Variants in DMD observed in about 807,000 individuals in gnomAD.
DMD encodes the protein dystrophin.
DMD carries 63 observed loss-of-function variants against 330.1 expected under a neutral mutation model. The observed-to-expected ratio is 0.19, with a 90% CI of 0.16 to 0.24. The LOEUF (loss-of-function observed/expected upper bound fraction) is 0.24, where lower values mean the gene tolerates loss of function less well. Ranked by LOEUF, DMD falls within the 10% of genes least tolerant of loss-of-function variation. The pLI, the probability that DMD is intolerant of heterozygous loss-of-function variation, is 1.00. For synonymous variants in DMD, 1,223 were observed against 959.8 expected (o/e 1.27, Z -5.07); for missense variants, 3,344 against 2,684.1 (o/e 1.25, Z -5.43).
intron 2 of DMD, among the ~76,000 whole-genome samples, chrX:32,994,990 G>A (rs2093078098): frequency 9.0e-6 from 1 of 111,694 alleles, no homozygotes; most frequent in African/African-American, 3.3e-5. Flanking sequence ...GGGGACACCT[G>A]TAGTCCCAGC....
At chrX:33,009,319 TGTGTATATGTGTATATACAC>T (rs1181042649) in intron 2 of DMD, among the ~76,000 whole-genome samples, 2 of 61,585 alleles carry the variant, frequency 3.2e-5, no homozygotes, top group African/African-American at 6.1e-5. Flanking sequence ...TGTGTGTATA[TGTGTATATGTGTATATACAC>T]GTGTATATAC....
chrX:32,646,956 T>C (rs2059821775), intron 9 of DMD, among the ~76,000 whole-genome samples: 1 of 110,662 alleles, frequency 9.0e-6, no homozygotes, highest in Non-Finnish European at 1.9e-5. Context: ...TTTCTGAAGG[T>C]CTTAGGGGTT....
intron 17 of DMD, among the ~76,000 whole-genome samples, chrX:32,538,315 C>A (rs2048180911): frequency 9.0e-6 from 1 of 111,457 alleles, no homozygotes; most frequent in African/African-American, 3.3e-5. Context: ...TGTTTTTGCC[C>A]CACCTTAACC....
intron 67 of DMD, among the ~76,000 whole-genome samples, chrX:31,186,721 A>G (rs746798653): frequency 2.0e-4 from 23 of 112,311 alleles, no homozygotes; most frequent in African/African-American, 7.4e-4. Flanking sequence ...TACTTTGTGG[A>G]AAAAAAAGTT....
At chrX:33,262,441 A>G (rs2052973560) in intron 1 of DMD, among the ~76,000 whole-genome samples, 1 of 111,535 alleles carries the variant, frequency 9.0e-6, no homozygotes, top group Admixed American at 9.6e-5. Flanking sequence ...AACTGATGAT[A>G]GACAAAGGGC....
chrX:33,314,580 T>TG (rs1466263757), intron 1 of DMD, among the ~76,000 whole-genome samples: 1 of 100,052 alleles, frequency 1.0e-5, no homozygotes, highest in East Asian at 3.1e-4. Flanking sequence ...GTTTTTTTTT[T>TG]TTTTTTTATC....
At position 31,242,262 on chromosome X, in the gene DMD, C is replaced by CAAAAAAAAAAAAAAAA. The variant is rs72176984; in HGVS notation, c.9286+18677_9286+18692dup. On this transcript the variant is annotated intron_variant, in intron 63 of 78. Coordinates refer to ENST00000357033, the MANE Select transcript of DMD (RefSeq NM_004006.3). ...CAAAGTGAGACCCTGTCTCAAAAAG[C>CAAAAAAAAAAAAAAAA]AAAAAAAAAAAAAAAAAAAAAAAAA... Among the ~76,000 whole-genome samples the CAAAAAAAAAAAAAAAA allele has an allele frequency of 2.0e-4, 5 of 24,647 alleles. 1 individual carries two copies. The highest frequency in any genetic ancestry group is 3.8e-4 in the Non-Finnish European group (5 of 13,011). 21.4% of individuals were successfully genotyped at this position (24,647 alleles called of 115,157 possible). A position where few individuals can be genotyped will look rare whatever the true frequency, so the allele number is the denominator to read the frequency against.
intron 7 of DMD, among the ~76,000 whole-genome samples, chrX:32,762,747 T>A (rs1009715779): frequency 9.0e-6 from 1 of 110,606 alleles, no homozygotes; most frequent in South Asian, 3.9e-4. Context: ...AGGGGACAGA[T>A]CACACAGGGT....
intron 60 of DMD, among the ~76,000 whole-genome samples, chrX:31,430,865 T>G (rs921249169): frequency 2.1e-5 from 2 of 95,274 alleles, no homozygotes; most frequent in Non-Finnish European, 4.1e-5. Context: ...TGCAGTGGCA[T>G]GATCTCAGCT....
At chrX:31,960,480 C>T (rs994623109) in intron 45 of DMD, among the ~76,000 whole-genome samples, 1 of 111,364 alleles carries the variant, frequency 9.0e-6, no homozygotes, top group Non-Finnish European at 1.9e-5. Context: ...TTTTTTCTTG[C>T]TTCAGTGATT....
intron 1 of DMD, among the ~76,000 whole-genome samples, chrX:33,113,055 T>C (rs2095352575): frequency 2.4e-5 from 1 of 41,715 alleles, no homozygotes; most frequent in African/African-American, 5.6e-5. Context: ...TAAACATTAC[T>C]TTTTTTTTTT....
At chrX:33,284,452 C>G (rs1041384132) in intron 1 of DMD, among the ~76,000 whole-genome samples, 2 of 110,374 alleles carry the variant, frequency 1.8e-5, no homozygotes, top group African/African-American at 6.6e-5. Context: ...GATAAAAATA[C>G]TTAACTTTTT....
At chrX:32,411,516 C>T (rs1274571648) in intron 30 of DMD, among the ~76,000 whole-genome samples, 1 of 111,505 alleles carries the variant, frequency 9.0e-6, no homozygotes, top group Admixed American at 9.6e-5. Context: ...GAACGTATTG[C>T]TCCTGTCTTT....
intron 62 of DMD, among the ~76,000 whole-genome samples, chrX:31,264,821 C>A (rs1439778407): frequency 8.9e-6 from 1 of 112,451 alleles, no homozygotes; most frequent in Non-Finnish European, 1.9e-5. Context: ...TTTCTCTCAC[C>A]TGCTTTAGTT....
intron 41 of DMD, among the ~76,000 whole-genome samples, chrX:32,336,046 A>ATATATAACGTTATATATAACGTGTG (rs2148772067): frequency 5.5e-5 from 2 of 36,615 alleles, no homozygotes; most frequent in South Asian, 4.0e-3. Flanking sequence ...TATAACGTGT[A>ATATATAACGTTATATATAACGTGTG]TATATAACGT....
intron 7 of DMD, among the ~76,000 whole-genome samples, chrX:32,787,213 A>AGT (rs72078806): frequency 0.16 from 13,597 of 82,999 alleles, 975 homozygotes; most frequent in East Asian, 0.23. Flanking sequence ...CTCTCTGTCA[A>AGT]GTGTGTGTGT....
chrX:32,666,102 T>C (rs1957990556), intron 9 of DMD, among the ~76,000 whole-genome samples: 1 of 109,505 alleles, frequency 9.1e-6, no homozygotes, highest in Non-Finnish European at 1.9e-5. Flanking sequence ...GATGACAGAC[T>C]TCTGACATAT....
At chrX:32,319,446 A>G (rs922390319) in intron 41 of DMD, among the ~76,000 whole-genome samples, 6 of 111,894 alleles carry the variant, frequency 5.4e-5, no homozygotes, top group Non-Finnish European at 1.1e-4. Flanking sequence ...ACAAGTATCA[A>G]CTTAACAGGA....
intron 55 of DMD, among the ~76,000 whole-genome samples, chrX:31,597,675 GGAA>G (rs2077169118): frequency 8.9e-6 from 1 of 111,956 alleles, no homozygotes; most frequent in Non-Finnish European, 1.9e-5. Flanking sequence ...AATGTTCTGT[GGAA>G]GAAGAATTCA....
Sources: gnomAD v4.1 joint callset for allele counts (sites outside exome capture counted in the v4.1 genomes callset) on GRCh38, gnomAD v4.1.1 for gene constraint, MANE v1.5 for transcripts, NCBI Gene and HGNC (gene_info 2026-07-23, HGNC 2026-07-21) for gene names.